TXK: variants seen among roughly 807,000 people sequenced by gnomAD.
The protein encoded by TXK is tyrosine-protein kinase TXK.
Under a neutral mutation model 81.0 loss-of-function variants are expected in TXK, and 60 were observed. That is an observed-to-expected ratio of 0.74 (90% CI 0.60 to 0.92). The LOEUF is 0.92. TXK is among the 40% of genes least tolerant of loss of function. TXK has a pLI of 0.00. For missense variants in TXK, 581 were observed against 638.3 expected (o/e 0.91, Z 0.97); for synonymous variants, 203 against 210.7 (o/e 0.96, Z 0.32).
At chr4:48,129,735 A>G (rs1016455105) in intron 1 of TXK, among the ~76,000 whole-genome samples, 1 of 152,198 alleles carries the variant, frequency 6.6e-6, no homozygotes, top group African/African-American at 2.4e-5. Context: ...TCTTTCTCAG[A>G]AGGGGCTGAT....
At chr4:48,107,391 C>T (rs951723871) in intron 5 of TXK, among the ~76,000 whole-genome samples, 1 of 151,592 alleles carries the variant, frequency 6.6e-6, no homozygotes, top group Non-Finnish European at 1.5e-5. Context: ...CCACCCTCCC[C>T]CCAAAACACA....
At chr4:48,106,388 G>T (rs1223477945) in intron 5 of TXK, among the ~76,000 whole-genome samples, 1 of 146,972 alleles carries the variant, frequency 6.8e-6, no homozygotes, top group Non-Finnish European at 1.5e-5. Context: ...AGTTAGAAGG[G>T]TTTTTTTTTT....
In TXK at chr4:48,113,192, C is replaced by T. The variant is rs1313046815; in HGVS notation, c.174+15G>A. ...CCTTCTCCATTCCCCTCTTGCCTGT[C>T]AAAATGATACTTACTTGCTTCTTAT... is the stretch of plus-strand genomic sequence containing the variant. On this transcript the variant is annotated intron_variant, in intron 3 of 14. Coordinates refer to ENST00000264316, the MANE Select transcript of TXK (RefSeq NM_003328.3). 1.9e-6 allele frequency: 3 copies of T among 1,602,098 alleles called. No individual in the cohort carries two copies. Among genetic ancestry groups the T allele is most frequent in the East Asian group, 4.5e-5 (2 of 44,848 alleles).
At chr4:48,106,330 C>T (rs1406198366) in intron 5 of TXK, 2 of 150,904 alleles carry the variant, frequency 1.3e-5, no homozygotes, top group Non-Finnish European at 2.9e-5. Flanking sequence ...TTAGAGGAGG[C>T]AAGAGCACAG....
At chr4:48,131,973 C>CT (rs912056145) in intron 1 of TXK, among the ~76,000 whole-genome samples, 3 of 150,934 alleles carry the variant, frequency 2.0e-5, no homozygotes, top group African/African-American at 7.3e-5. Flanking sequence ...TTACAGGAGG[C>CT]TTGTTCTTAT....
intron 6 of TXK, among the ~76,000 whole-genome samples, chr4:48,103,707 T>G (rs1718291264): frequency 6.6e-6 from 1 of 152,254 alleles, no homozygotes; most frequent in African/African-American, 2.4e-5. Flanking sequence ...CAGCTTTGTG[T>G]TGGTTTGACC....
chr4:48,104,373 A>T (rs866155678), intron 6 of TXK, among the ~76,000 whole-genome samples: 2 of 1,008 alleles, frequency 2.0e-3, no homozygotes, highest in African/African-American at 0.01. Flanking sequence ...TAATATATAT[A>T]ATATATAATA....
At chr4:48,072,500 C>G (rs932851113) in intron 13 of TXK, among the ~76,000 whole-genome samples, 1 of 152,216 alleles carries the variant, frequency 6.6e-6, no homozygotes, top group Non-Finnish European at 1.5e-5. Flanking sequence ...GAATATCTAG[C>G]AGGGGCTCTG....
chr4:48,089,990 AT>A (rs1176457252), intron 8 of TXK, among the ~76,000 whole-genome samples, 166 bp from the exon 9 acceptor site: 1 of 94,838 alleles, frequency 1.1e-5, no homozygotes, highest in Non-Finnish European at 2.7e-5. Flanking sequence ...AAAAAAAAAT[AT>A]ATACTCATTG....
At chr4:48,110,909 C>A (rs1718613789) in intron 4 of TXK, among the ~76,000 whole-genome samples, 1 of 152,186 alleles carries the variant, frequency 6.6e-6, no homozygotes, top group African/African-American at 2.4e-5. Context: ...ATGTTAAAAA[C>A]ACAGCAATTA....
chr4:48,109,719 G>A (rs1399594284), intron 5 of TXK, among the ~76,000 whole-genome samples: 2 of 152,196 alleles, frequency 1.3e-5, no homozygotes, highest in Non-Finnish European at 2.9e-5. Context: ...TTTTAGGAGA[G>A]ATGTACTGAG....
intron 10 of TXK, among the ~76,000 whole-genome samples, chr4:48,086,258 A>C (rs1717524777): frequency 6.6e-6 from 1 of 152,232 alleles, no homozygotes; most frequent in African/African-American, 2.4e-5. Context: ...AGGTACTTTC[A>C]TCCCATTTTA....
At chr4:48,128,559 T>TA (rs1463772461) in intron 1 of TXK, among the ~76,000 whole-genome samples, 2 of 125,470 alleles carry the variant, frequency 1.6e-5, no homozygotes, top group Non-Finnish European at 3.3e-5. Context: ...CACCACTACA[T>TA]CCTTTTTTTT....
At position 48,071,501 on chromosome 4, in the gene TXK, A is replaced by G. The variant is rs201216367; in HGVS notation, c.1515+16T>C. The G allele has an allele frequency of 3.7e-6, 6 of 1,602,544 alleles. No homozygotes were observed. In the East Asian group the frequency reaches 1.3e-4, roughly 36 times the overall value. ...CTGGGACTGCCAACCTTCATAGGAA[A>G]GTAACATATGCTTACCTCATGCCAG... On this transcript the variant is annotated intron_variant, in intron 14 of 14. Coordinates refer to ENST00000264316, the MANE Select transcript of TXK (RefSeq NM_003328.3).
At chr4:48,112,285 C>T (rs1437769246) in intron 4 of TXK, 22 bp downstream of exon 4, 2 of 1,608,410 alleles carry the variant, frequency 1.2e-6, no homozygotes, top group Admixed American at 3.3e-5. Flanking sequence ...TGGATACTGA[C>T]TAAGTCATGT....
At chr4:48,091,449 G>A (rs762473577) in intron 8 of TXK, among the ~76,000 whole-genome samples, 4 of 152,098 alleles carry the variant, frequency 2.6e-5, no homozygotes, top group Non-Finnish European at 4.4e-5. Context: ...GCAGGTGAGA[G>A]GAAGCTATTG....
chr4:48,117,086 C>T (rs1016355458), intron 1 of TXK, among the ~76,000 whole-genome samples: 2 of 152,166 alleles, frequency 1.3e-5, no homozygotes, highest in Admixed American at 6.5e-5. Context: ...TGGGATTTCA[C>T]CATGTTGGCC....
intron 1 of TXK, among the ~76,000 whole-genome samples, chr4:48,119,288 A>G (rs977840591): frequency 4.6e-5 from 7 of 152,232 alleles, no homozygotes; most frequent in African/African-American, 1.7e-4. Context: ...CCTACACATT[A>G]TCAATACATA....
chr4:48,133,106 A>T (rs1422630004), intron 1 of TXK, among the ~76,000 whole-genome samples: 1 of 152,254 alleles, frequency 6.6e-6, no homozygotes, highest in African/African-American at 2.4e-5. Flanking sequence ...AATGAATATA[A>T]AGGAACTGGT....
Sources: allele counts gnomAD v4.1 joint callset (sites outside exome capture counted in the v4.1 genomes callset), GRCh38; gene constraint gnomAD v4.1.1; transcripts MANE v1.5; gene names NCBI Gene and HGNC (gene_info 2026-07-23, HGNC 2026-07-21).